Variants in UNC13C observed in about 807,000 individuals in gnomAD.
The protein encoded by UNC13C is protein unc-13 homolog C.
Under a neutral mutation model 245.4 loss-of-function variants are expected in UNC13C, and 174 were observed. That is an observed-to-expected ratio of 0.71 (90% confidence interval 0.63 to 0.80). The LOEUF (loss-of-function observed/expected upper bound fraction) is 0.80. Ranked by LOEUF, UNC13C falls within the 30% of genes least tolerant of loss-of-function variation. The pLI is 0.00. For synonymous variants in UNC13C, 992 were observed against 895.1 expected (o/e 1.11, Z -1.93); for missense variants, 2,829 against 2,602.9 (o/e 1.09, Z -1.89).
At chr15:54,354,188 A>T (rs2039044414) in intron 17 of UNC13C, among the ~76,000 whole-genome samples, 2 of 152,120 alleles carry the variant, frequency 1.3e-5, no homozygotes. Flanking sequence ...GAAAAAAAAA[A>T]GGATAACAAT....
intron 29 of UNC13C, among the ~76,000 whole-genome samples, chr15:54,557,394 C>G (rs1168733512): frequency 6.6e-6 from 1 of 151,930 alleles, no homozygotes; most frequent in Non-Finnish European, 1.5e-5. Context: ...ATCTGATTTT[C>G]AATGACTGTC....
chr15:53,909,940 A>C, the UNC13C span, among the ~76,000 whole-genome samples: 2 of 144,064 alleles, frequency 1.4e-5, 1 homozygote, highest in Non-Finnish European at 3.1e-5. Context: ...GGCTTCTTGG[A>C]TAGTTTTCTT....
chr15:53,982,983 T>C (rs1893985334), intron 1 of UNC13C, among the ~76,000 whole-genome samples: 1 of 152,142 alleles, frequency 6.6e-6, no homozygotes, highest in Non-Finnish European at 1.5e-5. Flanking sequence ...GAAGAAACAG[T>C]GTTCATGGTT....
rs567944146 is a variant in UNC13C, at chr15:54,419,165, A to G, written c.4933+4098A>G. 1.6e-4 allele frequency among the ~76,000 whole-genome samples: 25 copies of G among 152,298 alleles called. 1 individual carries two copies. In the South Asian group the frequency reaches 5.0e-3, roughly 30 times the overall value. On this transcript the variant is annotated intron_variant, in intron 19 of 32. Coordinates refer to ENST00000260323, the MANE Select transcript of UNC13C (RefSeq NM_001080534.3). ...TGACCATCTACTAAATCACTTTGTT[A>G]TCTATTTCAGTAAAAGATAATTAAA...
intron 17 of UNC13C, among the ~76,000 whole-genome samples, chr15:54,354,102 A>C (rs2039042345): frequency 6.6e-6 from 1 of 152,148 alleles, no homozygotes; most frequent in African/African-American, 2.4e-5. Context: ...ATTCAAATAG[A>C]GGCTCCCATC....
At position 54,332,091 on chromosome 15, in the gene UNC13C, A is replaced by T; in HGVS notation, c.4474A>T (p.Ile1492Phe). The T allele has an allele frequency of 6.3e-7, 1 of 1,579,502 alleles. No homozygotes were observed. Among genetic ancestry groups the T allele is most frequent in the Non-Finnish European group, 8.6e-7 (1 of 1,160,834 alleles). ...LLDQLHNSLR[I>F]DLSKYRENFP... ...GGACCAGTTACATAACTCTTTGAGG[A>T]TTGATCTGTCAAAGTATAGGGTATG... Residue 1492 changes from isoleucine to phenylalanine, a missense_variant, in exon 15 of 33, where the codon ATT (isoleucine) becomes TTT (phenylalanine). Transcript: ENST00000260323.
chr15:54,229,183 C>T (rs909190486), intron 4 of UNC13C, among the ~76,000 whole-genome samples: 5 of 152,204 alleles, frequency 3.3e-5, no homozygotes, highest in African/African-American at 1.2e-4. Context: ...CTCTCTCCCT[C>T]AAGCACTCAG....
intron 28 of UNC13C, among the ~76,000 whole-genome samples, chr15:54,550,374 A>G (rs1471319937): frequency 1.3e-5 from 2 of 151,992 alleles, no homozygotes; most frequent in Admixed American, 6.6e-5. Context: ...AGTTATAAGG[A>G]TTGTTGTGAG....
chr15:54,500,813 G>T lies in UNC13C; in HGVS notation c.5158-22G>T, dbSNP rs374791768. The T allele has an allele frequency of 3.1e-6, 5 of 1,610,878 alleles. No homozygotes were observed. In the African/African-American group the frequency reaches 4.0e-5, roughly 13 times the overall value. ...CGCCTCTAATGTACTGTTTGGGATG[G>T]TTTCACCTCCTCTCCCCACAGTTCC... On this transcript the variant is annotated intron_variant, in intron 21 of 32. Coordinates refer to ENST00000260323, the MANE Select transcript of UNC13C (RefSeq NM_001080534.3).
intron 30 of UNC13C, among the ~76,000 whole-genome samples, chr15:54,584,292 C>A (rs1031616553): frequency 1.3e-5 from 2 of 152,184 alleles, no homozygotes; most frequent in Admixed American, 1.3e-4. Flanking sequence ...CACACTAGAC[C>A]TATTCTAGCT....
chr15:54,138,853 A>T (rs1255576514), intron 2 of UNC13C, among the ~76,000 whole-genome samples: 3 of 149,546 alleles, frequency 2.0e-5, no homozygotes, highest in African/African-American at 7.4e-5. Context: ...GAATCTTCTG[A>T]GGCCTCTCCC....
intron 17 of UNC13C, among the ~76,000 whole-genome samples, chr15:54,357,360 C>G (rs2039119548): frequency 6.6e-6 from 1 of 151,922 alleles, no homozygotes; most frequent in South Asian, 2.1e-4. Context: ...TAAAAAACAA[C>G]CTGGAATATT....
At chr15:54,053,310 G>T (rs1251106802) in intron 2 of UNC13C, among the ~76,000 whole-genome samples, 1 of 152,080 alleles carries the variant, frequency 6.6e-6, no homozygotes. Context: ...GGGATTACAG[G>T]CATAAGCCAC....
chr15:54,204,296 A>G (rs946302613), intron 4 of UNC13C, among the ~76,000 whole-genome samples: 1 of 119,040 alleles, frequency 8.4e-6, no homozygotes, highest in African/African-American at 3.0e-5. Flanking sequence ...ACATAAAAAG[A>G]TTAAAAATTG....
At chr15:54,559,368 A>G (rs956104634) in intron 29 of UNC13C, among the ~76,000 whole-genome samples, 2 of 151,980 alleles carry the variant, frequency 1.3e-5, no homozygotes, top group South Asian at 2.1e-4. Flanking sequence ...TCCATTGTCC[A>G]TGGGGTGATT....
Position 54,294,103 on chromosome 15 carries a change from A to G in UNC13C, c.3988+39A>G, listed in dbSNP as rs769725529. The G allele has an allele frequency of 4.1e-6, 6 of 1,467,178 alleles. No individual in the cohort carries two copies. The South Asian group carries it at 7.6e-5, about 19-fold the overall frequency. The allele number at this position is 1,467,178 out of a possible 1,614,324, so 90.9% of individuals were successfully genotyped here. A position where few individuals can be genotyped will look rare whatever the true frequency, so the allele number is the denominator to read the frequency against. On this transcript the variant is annotated intron_variant, in intron 11 of 32. Transcript: ENST00000260323. ...TTATCTACTTGAAAACGAGTTAAATAAAACCCCTGAATACCTGTGGCATGT... is the reference window on the plus strand; with the variant it reads ...TTATCTACTTGAAAACGAGTTAAATGAAACCCCTGAATACCTGTGGCATGT...
At chr15:54,587,358 C>T (rs1268625449) in intron 30 of UNC13C, among the ~76,000 whole-genome samples, 2 of 152,152 alleles carry the variant, frequency 1.3e-5, no homozygotes, top group Non-Finnish European at 2.9e-5. Flanking sequence ...TTCATATGTG[C>T]TCAGAGTCTA....
chr15:54,111,744 A>C (rs998250588), intron 2 of UNC13C, among the ~76,000 whole-genome samples: 2 of 152,312 alleles, frequency 1.3e-5, no homozygotes, highest in Middle Eastern at 6.8e-3. Flanking sequence ...TGGAAAGCCT[A>C]AGAATTTTTT....
At chr15:53,881,848 A>C in the UNC13C span, among the ~76,000 whole-genome samples, 2 of 152,210 alleles carry the variant, frequency 1.3e-5, no homozygotes, top group Non-Finnish European at 2.9e-5. Context: ...AAATATTATC[A>C]AACAGGGCTG....
Sources: gnomAD v4.1 joint callset for allele counts (sites outside exome capture counted in the v4.1 genomes callset) on GRCh38, gnomAD v4.1.1 for gene constraint, MANE v1.5 for transcripts, NCBI Gene and HGNC (gene_info 2026-07-23, HGNC 2026-07-21) for gene names.